Variants in STK26 observed in about 807,000 individuals in gnomAD.
STK26 encodes the protein serine/threonine kinase 26, also known as serine/threonine-protein kinase 26.
STK26 carries 14 observed loss-of-function variants against 34.7 expected under a neutral mutation model. The ratio of observed to expected loss-of-function variants is 0.40; its 90% CI spans 0.27 to 0.63. STK26 has a LOEUF of 0.63. Among genes scored for constraint, STK26 ranks in the 30% least tolerant of loss-of-function variants. The pLI is 0.38. For synonymous variants in STK26, 100 were observed against 109.8 expected, an observed-to-expected ratio of 0.91 and a Z score of 0.56; for missense variants, 226 against 309.1, an observed-to-expected ratio of 0.73 and a Z score of 2.02.
At chrX:132,036,726 T>C (rs1207785763) in intron 2 of STK26, among the ~76,000 whole-genome samples, 1 of 112,101 alleles carries the variant, frequency 8.9e-6, no homozygotes, top group Non-Finnish European at 1.9e-5. Context: ...TTACACTTCA[T>C]TGTGAGGATT....
Position 132,055,594 on chromosome X carries a change from T to C in STK26, c.273+733T>C, listed in dbSNP as rs181346062. On this transcript the variant is annotated intron_variant, in intron 3 of 11. Coordinates refer to ENST00000394334, the MANE Select transcript of STK26 (RefSeq NM_016542.4). ...TTCGTGTCTGTTGAAATGTGAATAA[T>C]AAATAGTTGAAGAAAAGCCCCCATG... 32 of 865,836 alleles carry C rather than the reference T, an allele frequency of 3.7e-5. No homozygotes were observed. In the East Asian group the frequency reaches 1.1e-3, roughly 29 times the overall value. 71.4% of individuals were successfully genotyped at this position (865,836 alleles called of 1,213,427 possible).
At chrX:132,043,918 T>A (rs1926354658) in intron 2 of STK26, among the ~76,000 whole-genome samples, 1 of 111,842 alleles carries the variant, frequency 8.9e-6, no homozygotes, top group African/African-American at 3.3e-5. Context: ...CTGTCTCCAG[T>A]TGAAGGAAAA....
chrX:132,032,390 C>G (rs1028833131), intron 2 of STK26, among the ~76,000 whole-genome samples: 3 of 112,006 alleles, frequency 2.7e-5, no homozygotes, highest in Non-Finnish European at 5.6e-5. Flanking sequence ...TTCACTTTCT[C>G]TTTTTTGGTC....
chrX:132,046,451 C>G (rs750352139), intron 2 of STK26, among the ~76,000 whole-genome samples: 2 of 111,568 alleles, frequency 1.8e-5, no homozygotes, highest in Non-Finnish European at 3.8e-5. Context: ...ATGAAGTTAT[C>G]CTTTACTAAA....
rs533324651 is a variant in STK26, at chrX:132,066,804, C to A, written c.331-1411C>A. Among the ~76,000 whole-genome samples, 40 of 111,677 alleles carry A rather than the reference C, an allele frequency of 3.6e-4. 1 individual carries two copies. In the South Asian group the frequency reaches 0.013, roughly 38 times the overall value. On this transcript the variant is annotated intron_variant, in intron 4 of 11. Transcript: ENST00000394334. ...TCAGAATGATAGCTAGTAGGTCGTA[C>A]ATTAATCTTGCCCAATCACTGAAAT... is the stretch of plus-strand genomic sequence containing the variant.
chrX:132,045,451 GA>G (rs770286506), intron 2 of STK26, among the ~76,000 whole-genome samples: 4 of 111,809 alleles, frequency 3.6e-5, no homozygotes, highest in Non-Finnish European at 7.5e-5. Flanking sequence ...AGCAGTAAGG[GA>G]TTTAAAGATT....
At chrX:132,044,796 T>G (rs866749161) in intron 2 of STK26, among the ~76,000 whole-genome samples, 1,144 of 35,322 alleles carry the variant, frequency 0.032, 105 homozygotes, top group African/African-American at 0.085. Flanking sequence ...TTTATATATA[T>G]AGAGAGAGAT....
chrX:132,064,425 C>T (rs748148756), intron 4 of STK26, among the ~76,000 whole-genome samples: 15 of 112,341 alleles, frequency 1.3e-4, no homozygotes, highest in Non-Finnish European at 2.3e-4. Flanking sequence ...AATGAAGATG[C>T]ATTTACACAC....
intron 9 of STK26, 96 bp downstream of exon 9, chrX:132,072,457 T>A: frequency 1.4e-6 from 1 of 692,785 alleles, no homozygotes; most frequent in Non-Finnish European, 2.2e-6. Flanking sequence ...TGAATACCCC[T>A]AAATGCCTGT....
At chrX:132,053,189 A>T (rs759485795) in intron 2 of STK26, among the ~76,000 whole-genome samples, 2 of 112,147 alleles carry the variant, frequency 1.8e-5, no homozygotes, top group Non-Finnish European at 3.8e-5. Context: ...TGTTTGTTCC[A>T]TGTGGGTACT....
chrX:132,039,000 A>G (rs931104217), intron 2 of STK26, among the ~76,000 whole-genome samples: 1 of 111,185 alleles, frequency 9.0e-6, no homozygotes, highest in Non-Finnish European at 1.9e-5. Context: ...AAAAGGTGTA[A>G]ATGTCTTTAT....
intron 4 of STK26, among the ~76,000 whole-genome samples, 177 bp downstream of exon 4, chrX:132,063,666 C>T (rs1028548098): frequency 2.7e-5 from 3 of 111,434 alleles, no homozygotes; most frequent in Non-Finnish European, 5.7e-5. Flanking sequence ...ATGTATTGTA[C>T]GTTTGAACAT....
At chrX:132,029,664 T>C (rs1307839824) in intron 2 of STK26, among the ~76,000 whole-genome samples, 1 of 110,953 alleles carries the variant, frequency 9.0e-6, no homozygotes, top group Non-Finnish European at 1.9e-5. Context: ...CAACAAGAAA[T>C]CCCTTTAATT....
At chrX:132,071,021 TAA>T (rs1482821741) in intron 7 of STK26, 46 bp from the exon 8 acceptor site, 8 of 1,145,325 alleles carry the variant, frequency 7.0e-6, no homozygotes, top group African/African-American at 1.8e-5. Context: ...CTTGTAATCA[TAA>T]GAGTTCAACA....
intron 2 of STK26, among the ~76,000 whole-genome samples, chrX:132,052,547 T>G (rs1926725088): frequency 8.9e-6 from 1 of 112,349 alleles, no homozygotes; most frequent in Non-Finnish European, 1.9e-5. Context: ...ACTTCAGTGC[T>G]TCTTTAAAAT....
chrX:132,029,062 G>C (rs1046793870), intron 2 of STK26, among the ~76,000 whole-genome samples: 3 of 112,030 alleles, frequency 2.7e-5, no homozygotes, highest in African/African-American at 9.7e-5. Flanking sequence ...GGCGGGGTTA[G>C]TTAGAACTTT....
intron 2 of STK26, among the ~76,000 whole-genome samples, chrX:132,048,728 A>G (rs1926583636): frequency 9.0e-6 from 1 of 111,525 alleles, no homozygotes; most frequent in African/African-American, 3.3e-5. Context: ...CATAGCTTCC[A>G]TTTAGTGATC....
chrX:132,030,519 T>C (rs1323103145), intron 2 of STK26, among the ~76,000 whole-genome samples: 1 of 111,939 alleles, frequency 8.9e-6, no homozygotes, highest in East Asian at 2.8e-4. Flanking sequence ...TGTTTTTGAT[T>C]AATGGCTCAG....
chrX:132,073,990 A>T, intron 11 of STK26, 145 bp from the exon 12 acceptor site: 1 of 462,517 alleles, frequency 2.2e-6, no homozygotes, highest in Non-Finnish European at 3.5e-6. Context: ...TAACTTGTTT[A>T]TATTTTAACA....
Sources: gnomAD v4.1 joint callset for allele counts (sites outside exome capture counted in the v4.1 genomes callset) on GRCh38, gnomAD v4.1.1 for gene constraint, MANE v1.5 for transcripts, NCBI Gene and HGNC (gene_info 2026-07-23, HGNC 2026-07-21) for gene names.